Variants in PLEKHA6 observed in about 807,000 individuals in gnomAD.
PLEKHA6 encodes pleckstrin homology domain containing A6.
PLEKHA6 carries 60 observed loss-of-function variants against 116.7 expected under a neutral mutation model. That is an observed-to-expected ratio of 0.51 (90% CI 0.42 to 0.64). The LOEUF is 0.64. Among genes scored for constraint, PLEKHA6 ranks in the 30% least tolerant of loss-of-function variants. PLEKHA6 has a pLI of 0.00. For synonymous variants in PLEKHA6, 489 were observed against 556.1 expected (o/e 0.88, Z 1.70); for missense variants, 1,338 against 1,422.7 (o/e 0.94, Z 0.96).
At chr1:204,251,887 C>G (rs1041070753) in intron 9 of PLEKHA6, among the ~76,000 whole-genome samples, 1 of 152,164 alleles carries the variant, frequency 6.6e-6, no homozygotes, top group African/African-American at 2.4e-5. Context: ...CCCAGGGTGC[C>G]TGGCTGTTGT....
intron 1 of PLEKHA6, among the ~76,000 whole-genome samples, chr1:204,318,781 T>A (rs1371313424): frequency 6.6e-6 from 1 of 152,206 alleles, no homozygotes; most frequent in Non-Finnish European, 1.5e-5. Flanking sequence ...CAGATGACAT[T>A]ACATCTCTCC....
At chr1:204,355,903 TCAAA>T (rs963690330) in intron 1 of PLEKHA6, among the ~76,000 whole-genome samples, 8 of 151,730 alleles carry the variant, frequency 5.3e-5, no homozygotes, top group Non-Finnish European at 1.0e-4. Flanking sequence ...TCACTCCCAG[TCAAA>T]CAGATGGATC....
chr1:204,250,766 C>T, intron 9 of PLEKHA6, 152 bp from the exon 10 acceptor site: 1 of 687,322 alleles, frequency 1.5e-6, no homozygotes, highest in East Asian at 2.6e-5. Context: ...GCTCATTCCA[C>T]ATCCCCTGGC....
At chr1:204,282,387 A>C (rs114171000) in intron 1 of PLEKHA6, among the ~76,000 whole-genome samples, 2,078 of 152,292 alleles carry the variant, frequency 0.014, 50 homozygotes, top group African/African-American at 0.047. Context: ...CAGAGTAGAT[A>C]GCATAACTCT....
Position 204,241,801 on chromosome 1 carries a change from T to G in PLEKHA6, c.2186A>C (p.Tyr729Ser). 6 of 1,614,178 alleles carry G rather than the reference T, an allele frequency of 3.7e-6. No homozygotes were observed. The highest frequency in any genetic ancestry group is 5.1e-6 in the Non-Finnish European group (6 of 1,180,034). Residue 729 changes from tyrosine (Y) to serine (S), a missense_variant, in exon 16 of 23, where the codon TAT becomes TCT. By Grantham distance (144) the Tyr-to-Ser change is moderately radical. This residue lies in a region of PLEKHA6 where 1,136 missense variants were observed against 1,163.6 expected (regional missense o/e 0.98). Coordinates refer to ENST00000272203, the MANE Select transcript of PLEKHA6 (RefSeq NM_014935.5). ...GTGGGGGTCTTTCTTGCTTTGTTCA[T>G]AGTTTGCCTTGGGCTGGGGAGAAAG... ...KPGSNEPKAN[Y>S]EQSKKDPHQT...
Position 204,257,459 on chromosome 1 carries a change from G to A in PLEKHA6, c.1418C>T (p.Pro473Leu), listed in dbSNP as rs867645320. The A allele has an allele frequency of 6.4e-7, 1 of 1,571,978 alleles. No homozygotes were observed. The highest frequency in any genetic ancestry group is 8.6e-7 in the Non-Finnish European group (1 of 1,157,342). The change falls in exon 9 of 23, where the codon CCT becomes CTT. Residue 473 changes from proline to leucine, a missense_variant. Pro to Leu is a moderately conservative substitution (Grantham distance 98, BLOSUM62 -3). This residue lies in a region of PLEKHA6 where 1,136 missense variants were observed against 1,163.6 expected (regional missense o/e 0.98). Coordinates refer to ENST00000272203, the MANE Select transcript of PLEKHA6 (RefSeq NM_014935.5). This position sits in a 1 kb window ranked among gnomAD's most constrained non-coding sequence, Gnocchi z 6.5. ...AAAACGGGCACTGGGTGAGCGGACA[G>A]GGGAGTAAATGCGGGCACGGCTGTA... ...GSYSRARIYS[P>L]VRSPSARFER...
chr1:204,311,491 C>CAAAA, intron 1 of PLEKHA6: 1 of 393,588 alleles, frequency 2.5e-6, no homozygotes, highest in Non-Finnish European at 3.4e-6. Context: ...AACTCTGTGT[C>CAAAA]AAAAAAAAAA....
rs528334081 is a variant in PLEKHA6 at position 204,376,870 on chromosome 1, G to C, written c.83+713C>G. Reference sequence around the variant, plus strand: ...ATATTTCTGGAAGATGTCTATCCTGGCAAAAGATGACTATAGTAGAAGCGA... The same window carrying C: ...ATATTTCTGGAAGATGTCTATCCTGCCAAAAGATGACTATAGTAGAAGCGA... On this transcript the variant is annotated intron_variant, in intron 1 of 4. Transcript: ENST00000564627. 2.1e-4 allele frequency among the ~76,000 whole-genome samples: 32 copies of C among 152,252 alleles called. No individual in the cohort carries two copies. The East Asian group carries it at 6.2e-3, about 29-fold the overall frequency.
intron 1 of PLEKHA6, chr1:204,275,789 A>C (rs1667943793): frequency 2.4e-6 from 2 of 827,054 alleles, no homozygotes; most frequent in Non-Finnish European, 2.9e-6. Flanking sequence ...GTGGAGATTC[A>C]AGCATTCAGC....
At chr1:204,363,646 G>A (rs915827099), upstream of PLEKHA6, among the ~76,000 whole-genome samples, 5 of 152,308 alleles carry the variant, frequency 3.3e-5, no homozygotes, top group East Asian at 9.6e-4. Context: ...AACACTTCCT[G>A]TTGGGCAGGA....
upstream of PLEKHA6, among the ~76,000 whole-genome samples, chr1:204,360,880 A>C (rs1263140368): frequency 1.3e-5 from 2 of 152,198 alleles, no homozygotes; most frequent in Non-Finnish European, 2.9e-5. Context: ...CTGCTTAGAC[A>C]AAGATTGCTT....
chr1:204,251,917 GT>G (rs57354087), intron 9 of PLEKHA6, among the ~76,000 whole-genome samples: 2,884 of 152,270 alleles, frequency 0.019, 86 homozygotes, highest in African/African-American at 0.064. Context: ...ACTGGCCACG[GT>G]TGTCATCTCC....
upstream of PLEKHA6, among the ~76,000 whole-genome samples, chr1:204,360,202 G>C (rs1189403687): frequency 1.3e-5 from 2 of 152,104 alleles, no homozygotes; most frequent in Non-Finnish European, 2.9e-5. Context: ...TGCATTTTTA[G>C]AGTCCCCCAC....
intron 9 of PLEKHA6, among the ~76,000 whole-genome samples, chr1:204,255,170 C>G (rs375490729): frequency 2.0e-5 from 3 of 152,144 alleles, no homozygotes; most frequent in East Asian, 1.9e-4. Context: ...GGAGGGTCTG[C>G]AGGCCTCAGT....
intron 1 of PLEKHA6, among the ~76,000 whole-genome samples, chr1:204,281,966 T>A (rs915398361): frequency 8.6e-5 from 13 of 152,046 alleles, no homozygotes; most frequent in African/African-American, 2.9e-4. Context: ...TGAGCTCAGC[T>A]CCCACCACAG....
At chr1:204,311,286 G>A (rs1260684904) in intron 1 of PLEKHA6, among the ~76,000 whole-genome samples, 2 of 152,184 alleles carry the variant, frequency 1.3e-5, no homozygotes, top group Admixed American at 6.5e-5. Flanking sequence ...GAGGTCGGGA[G>A]TTTGAAACCA....
chr1:204,295,945 G>A (rs1007043184), intron 1 of PLEKHA6, among the ~76,000 whole-genome samples: 5 of 152,154 alleles, frequency 3.3e-5, no homozygotes, highest in African/African-American at 7.2e-5. Flanking sequence ...GCTCCAAACC[G>A]CACAAACACA....
At chr1:204,293,137 C>CT (rs901941873) in intron 1 of PLEKHA6, among the ~76,000 whole-genome samples, 14 of 148,274 alleles carry the variant, frequency 9.4e-5, no homozygotes, top group Middle Eastern at 3.6e-3. Flanking sequence ...AGTAATCAGA[C>CT]TTTTTTTTTT....
At chr1:204,334,057 G>A (rs1242834580) in intron 1 of PLEKHA6, among the ~76,000 whole-genome samples, 2 of 152,154 alleles carry the variant, frequency 1.3e-5, no homozygotes, top group African/African-American at 2.4e-5. Flanking sequence ...AGCAGGGGTG[G>A]CAAGGAAGAG....
Sources: gnomAD v4.1 joint callset for allele counts (sites outside exome capture counted in the v4.1 genomes callset) on GRCh38, gnomAD v4.1.1 for gene constraint, gnomAD v4.1.1 regional missense constraint, Gnocchi (gnomAD v3.1) non-coding constraint, MANE v1.5 for transcripts, NCBI Gene and HGNC (gene_info 2026-07-23, HGNC 2026-07-21) for gene names.